ZFYVE9: variants seen among roughly 807,000 people sequenced by gnomAD.
The protein encoded by ZFYVE9 is zinc finger FYVE-type containing 9, also known as zinc finger FYVE domain-containing protein 9.
In ZFYVE9, 43 loss-of-function variants were observed where a neutral mutation model predicts 126.7. That is an observed-to-expected ratio of 0.34 (90% CI 0.27 to 0.44). The LOEUF (loss-of-function observed/expected upper bound fraction) is 0.44, where lower values mean the gene tolerates loss of function less well. Ranked by LOEUF, ZFYVE9 falls within the 20% of genes least tolerant of loss-of-function variation. ZFYVE9 has a pLI of 1.00. For synonymous variants in ZFYVE9, 521 were observed against 597.4 expected, an observed-to-expected ratio of 0.87 and a Z score of 1.87; for missense variants, 1,476 against 1,697.0, an observed-to-expected ratio of 0.87 and a Z score of 2.29.
At chr1:52,317,306 G>C (rs1296871601) in intron 13 of ZFYVE9, among the ~76,000 whole-genome samples, 1 of 152,016 alleles carries the variant, frequency 6.6e-6, no homozygotes, top group Admixed American at 6.6e-5. Context: ...GATCACTTGA[G>C]GTCAGGAGTT....
chr1:52,309,893 G>A (rs759239777), intron 13 of ZFYVE9, among the ~76,000 whole-genome samples: 8 of 152,090 alleles, frequency 5.3e-5, no homozygotes, highest in Non-Finnish European at 7.4e-5. Context: ...AATAAGCATT[G>A]TATATAAAAT....
At chr1:52,266,408 A>T (rs987464335) in intron 5 of ZFYVE9, among the ~76,000 whole-genome samples, 1,490 of 103,482 alleles carry the variant, frequency 0.014, 21 homozygotes, top group Non-Finnish European at 0.018. Context: ...AATTCTTTAA[A>T]AAAAAAAAAA....
At chr1:52,205,067 A>ATTTTT (rs891218048) in intron 1 of ZFYVE9, among the ~76,000 whole-genome samples, 3 of 117,784 alleles carry the variant, frequency 2.5e-5, no homozygotes, top group African/African-American at 3.5e-5. Context: ...TGTGCTGTGA[A>ATTTTT]TTTTTTTTTT....
intron 13 of ZFYVE9, among the ~76,000 whole-genome samples, chr1:52,326,693 CAAAAAAA>C (rs34479038): frequency 2.9e-5 from 3 of 102,932 alleles, no homozygotes; most frequent in Admixed American, 1.2e-4. Context: ...TACTCAATAC[CAAAAAAA>C]AAAAAAAAAA....
chr1:52,297,236 AC>A (rs1373371122), intron 12 of ZFYVE9, among the ~76,000 whole-genome samples: 8 of 151,124 alleles, frequency 5.3e-5, no homozygotes, highest in Admixed American at 1.3e-4. Context: ...CATGAAAAAA[AC>A]ATTTCTTTTT....
chr1:52,243,049 G>A (rs1557477138), intron 4 of ZFYVE9, among the ~76,000 whole-genome samples: 1 of 152,130 alleles, frequency 6.6e-6, no homozygotes, highest in Non-Finnish European at 1.5e-5. Context: ...ATTTGTCTTT[G>A]TATCCAGCAT....
At chr1:52,180,346 A>G (rs1166136214) in intron 1 of ZFYVE9, 1 of 1,564,666 alleles carries the variant, frequency 6.4e-7, no homozygotes, top group Non-Finnish European at 8.8e-7. Flanking sequence ...GTTTACGTGG[A>G]AGGAGATATC....
intron 12 of ZFYVE9, among the ~76,000 whole-genome samples, chr1:52,303,041 C>T (rs1016586095): frequency 6.6e-6 from 1 of 152,060 alleles, no homozygotes; most frequent in Non-Finnish European, 1.5e-5. Flanking sequence ...ACCCTGGAGG[C>T]GGAGGTTGTA....
intron 1 of ZFYVE9, among the ~76,000 whole-genome samples, chr1:52,206,193 G>C (rs1435954540): frequency 6.6e-6 from 1 of 152,178 alleles, no homozygotes; most frequent in East Asian, 1.9e-4. Flanking sequence ...AGCATAGAAG[G>C]GTCTGTAATT....
chr1:52,168,763 G>T (rs1644537426), intron 1 of ZFYVE9, among the ~76,000 whole-genome samples: 1 of 151,984 alleles, frequency 6.6e-6, no homozygotes, highest in Non-Finnish European at 1.5e-5. Flanking sequence ...CAATATTCCT[G>T]CCTCAGCCTC....
In ZFYVE9 at chr1:52,174,214, T is replaced by C. The variant is rs367559734; in HGVS notation, c.-143+31811T>C. Among the ~76,000 whole-genome samples, 25 of 149,966 alleles carry C rather than the reference T, an allele frequency of 1.7e-4. No individual in the cohort carries two copies. The South Asian group carries it at 3.2e-3, about 19-fold the overall frequency. On this transcript the variant is annotated intron_variant, in intron 1 of 18. Coordinates refer to ENST00000287727, the MANE Select transcript of ZFYVE9 (RefSeq NM_004799.4). ...TTCTGGTATGTTGTGTCTTTGTTCT[T>C]GTTGGTTTCAAAGAACATCTTTATT...
At chr1:52,329,433 T>C (rs918599736) in intron 13 of ZFYVE9, among the ~76,000 whole-genome samples, 4 of 152,290 alleles carry the variant, frequency 2.6e-5, no homozygotes, top group African/African-American at 9.6e-5. Flanking sequence ...GGATTTGGCA[T>C]TGGATTCTTA....
intron 2 of ZFYVE9, among the ~76,000 whole-genome samples, chr1:52,218,415 C>T (rs146287376): frequency 5.9e-4 from 90 of 152,274 alleles, no homozygotes; most frequent in African/African-American, 1.9e-3. Flanking sequence ...AAATTGGCAT[C>T]GAGAGCTGGA....
chr1:52,319,602 T>C lies in ZFYVE9; in HGVS notation c.3439-13166T>C, dbSNP rs975288139. ...TCGCACCATTGTACTCCAGCCTGGG[T>C]AACGAGCAAAACTCCATCTCAAAAA... On this transcript the variant is annotated intron_variant, in intron 13 of 18. Transcript: ENST00000287727. 3.4e-5 allele frequency among the ~76,000 whole-genome samples: 5 copies of C among 147,272 alleles called. No individual in the cohort carries two copies. The South Asian group carries it at 6.5e-4, about 19-fold the overall frequency.
chr1:52,317,429 T>C (rs918916307), intron 13 of ZFYVE9, among the ~76,000 whole-genome samples: 6 of 150,616 alleles, frequency 4.0e-5, no homozygotes, highest in African/African-American at 1.2e-4. Flanking sequence ...TTGCGGTAAC[T>C]CGAGATCACG....
intron 13 of ZFYVE9, among the ~76,000 whole-genome samples, chr1:52,304,969 C>A (rs552027536): frequency 1.5e-4 from 23 of 152,288 alleles, no homozygotes; most frequent in Non-Finnish European, 2.4e-4. Context: ...GTTCACAGAT[C>A]TTGCTCTGTT....
At position 52,239,053 on chromosome 1, in the gene ZFYVE9, T is replaced by A. The variant is rs1163111593; in HGVS notation, c.1636T>A (p.Tyr546Asn). The stretch of plus-strand genomic sequence containing the variant: ...CACTGGTGACCTAATGAAGAAAAAT[T>A]ATTTACATAATTTCTGTAGTCAAGT... ...NSTGDLMKKN[Y>N]LHNFCSQVPS... is the part of the protein sequence containing the mutation. The change falls in exon 4 of 19, where the codon TAT (tyrosine) becomes AAT (asparagine). Residue 546 changes from tyrosine (Y) to asparagine (N), a missense_variant. By Grantham distance (143) the Tyr-to-Asn change is moderately radical. Around this residue, in one of 2 missense-constraint regions of ZFYVE9, gnomAD observed 807 missense variants for 794.6 expected, o/e 1.02. Transcript: ENST00000287727. 2.5e-6 allele frequency: 4 copies of A among 1,614,126 alleles called. No homozygotes were observed. The highest frequency in any genetic ancestry group is 3.4e-6 in the Non-Finnish European group (4 of 1,180,016).
Position 52,269,611 on chromosome 1 carries a change from GT to G in ZFYVE9, c.2625+982del, listed in dbSNP as rs201707683. On this transcript the variant is annotated intron_variant, in intron 7 of 18. Transcript: ENST00000287727. ...TTTGACATGCAGAGCTGACTTACCT[GT>G]TTGGTGAGTTATTGAACCATGTAAT... Among the ~76,000 whole-genome samples, 593 of 152,248 alleles carry G rather than the reference GT, an allele frequency of 3.9e-3. 12 individuals carry two copies. In the South Asian group the frequency reaches 0.044, roughly 11 times the overall value.
chr1:52,298,336 T>TG (rs1052611030), intron 12 of ZFYVE9, among the ~76,000 whole-genome samples: 3 of 152,020 alleles, frequency 2.0e-5, no homozygotes, highest in Non-Finnish European at 2.9e-5. Context: ...TGGGGAGAGG[T>TG]GGGGGTCTAG....
Sources: allele counts gnomAD v4.1 joint callset (sites outside exome capture counted in the v4.1 genomes callset), GRCh38; gene constraint gnomAD v4.1.1; regional missense constraint gnomAD v4.1.1; transcripts MANE v1.5; gene names NCBI Gene and HGNC (gene_info 2026-07-23, HGNC 2026-07-21).